NAA25: variants seen among roughly 807,000 people sequenced by gnomAD.
The protein encoded by NAA25 is N-alpha-acetyltransferase 25, NatB auxiliary subunit.
Under a neutral mutation model 132.5 loss-of-function variants are expected in NAA25, and 30 were observed. The observed-to-expected ratio is 0.23, with a 90% confidence interval of 0.17 to 0.31. The LOEUF (loss-of-function observed/expected upper bound fraction) is 0.31, where lower values mean the gene tolerates loss of function less well. Ranked by LOEUF, NAA25 falls within the 10% of genes least tolerant of loss-of-function variation. NAA25 has a pLI of 1.00. For synonymous variants in NAA25, 359 were observed against 401.9 expected (o/e 0.89, Z 1.28); for missense variants, 771 against 1,150.4 (o/e 0.67, Z 4.77).
At chr12:112,038,983 A>C (rs954364067) in intron 22 of NAA25, among the ~76,000 whole-genome samples, 2 of 152,226 alleles carry the variant, frequency 1.3e-5, no homozygotes, top group Non-Finnish European at 2.9e-5. Flanking sequence ...CATCTCAAAC[A>C]AAAACAAAAC....
chr12:112,087,190 C>T (rs772226856), intron 4 of NAA25, among the ~76,000 whole-genome samples: 7 of 151,902 alleles, frequency 4.6e-5, no homozygotes, highest in African/African-American at 7.3e-5. Flanking sequence ...AAATAAGCTG[C>T]CTCAAACCAA....
intron 17 of NAA25, among the ~76,000 whole-genome samples, 154 bp downstream of exon 17, chr12:112,047,511 C>T (rs368866212): frequency 6.6e-6 from 1 of 152,122 alleles, no homozygotes; most frequent in Non-Finnish European, 1.5e-5. Flanking sequence ...CAATTACAGG[C>T]CTGAGCCACC....
intron 2 of NAA25, among the ~76,000 whole-genome samples, chr12:112,091,974 C>T (rs2079136975): frequency 6.6e-6 from 1 of 152,244 alleles, no homozygotes; most frequent in Non-Finnish European, 1.5e-5. Context: ...GGCACAGTGG[C>T]TCACGCCTAT....
At chr12:112,047,268 G>C (rs74778442) in intron 17 of NAA25, among the ~76,000 whole-genome samples, 13,433 of 97,382 alleles carry the variant, frequency 0.14, 681 homozygotes, top group East Asian at 0.29. Context: ...TTTTGCTCTT[G>C]TTGCCCAGGC....
At chr12:112,054,996 AT>A (rs2078523859) in intron 13 of NAA25, among the ~76,000 whole-genome samples, 1 of 152,232 alleles carries the variant, frequency 6.6e-6, no homozygotes, top group African/African-American at 2.4e-5. Context: ...AGAATGGCAA[AT>A]AGGATGTTTG....
At chr12:112,061,469 G>C in intron 11 of NAA25, 81 bp from the exon 12 acceptor site, 1 of 1,004,044 alleles carries the variant, frequency 1.0e-6, no homozygotes, top group Non-Finnish European at 1.5e-6. Context: ...AAATTGAATG[G>C]TCTAGAAAAA....
At chr12:112,070,951 T>C (rs1472389846) in intron 10 of NAA25, among the ~76,000 whole-genome samples, 1 of 152,280 alleles carries the variant, frequency 6.6e-6, no homozygotes, top group South Asian at 2.1e-4. Context: ...TTCACCATGT[T>C]GGCCAGGCTG....
intron 2 of NAA25, among the ~76,000 whole-genome samples, chr12:112,091,564 A>C (rs1319634181): frequency 6.6e-6 from 1 of 152,126 alleles, no homozygotes; most frequent in East Asian, 1.9e-4. Context: ...GTGGTGGTGC[A>C]CATCTGTGGT....
intron 23 of NAA25, 23 bp downstream of exon 23, chr12:112,033,210 G>A (rs1220364960): frequency 6.3e-7 from 1 of 1,587,340 alleles, no homozygotes; most frequent in East Asian, 2.2e-5. Context: ...AGAAAACATT[G>A]CCGATTGCCT....
intron 17 of NAA25, among the ~76,000 whole-genome samples, chr12:112,044,092 T>TA (rs1260824637): frequency 2.6e-5 from 4 of 151,760 alleles, no homozygotes; most frequent in African/African-American, 9.7e-5. Context: ...CACGCCCGGC[T>TA]AATTTTTTTT....
chr12:112,083,581 A>C (rs143255704), intron 4 of NAA25, among the ~76,000 whole-genome samples: 2 of 152,188 alleles, frequency 1.3e-5, no homozygotes, highest in African/African-American at 4.8e-5. Flanking sequence ...TAGAGACGAC[A>C]AGGACATACA....
At chr12:112,039,108 A>G in intron 22 of NAA25, 121 bp downstream of exon 22, 1 of 503,222 alleles carries the variant, frequency 2.0e-6, no homozygotes, top group Admixed American at 4.0e-5. Flanking sequence ...ATCGTGGGCC[A>G]TGGGTTGGAG....
At position 112,077,368 on chromosome 12, in the gene NAA25, G is replaced by A. The variant is rs373693518; in HGVS notation, c.664+820C>T. Among the ~76,000 whole-genome samples the A allele has an allele frequency of 2.0e-4, 30 of 151,880 alleles. No homozygotes were observed. In the East Asian group the frequency reaches 4.3e-3, roughly 22 times the overall value. Reference sequence around the variant, plus strand: ...TGTGCCTGTAGTCCCAGCTACTCACGAGGCTGAGGCAGGAGAATCACTTGA... The same window carrying A: ...TGTGCCTGTAGTCCCAGCTACTCACAAGGCTGAGGCAGGAGAATCACTTGA... On this transcript the variant is annotated intron_variant, in intron 7 of 23. Coordinates refer to ENST00000261745, the MANE Select transcript of NAA25 (RefSeq NM_024953.4).
At chr12:112,094,848 T>C (rs1244915751) in intron 1 of NAA25, among the ~76,000 whole-genome samples, 1 of 152,040 alleles carries the variant, frequency 6.6e-6, no homozygotes, top group Non-Finnish European at 1.5e-5. Flanking sequence ...TTACTAGAGA[T>C]GAGGTTTCAC....
intron 3 of NAA25, among the ~76,000 whole-genome samples, chr12:112,089,000 T>C (rs1158428755): frequency 6.6e-6 from 1 of 152,044 alleles, no homozygotes; most frequent in Non-Finnish European, 1.5e-5. Flanking sequence ...GAGTAAATGA[T>C]TTTTTTTAAA....
At chr12:112,088,322 T>TTG (rs2079083609) in intron 3 of NAA25, among the ~76,000 whole-genome samples, 1 of 141,534 alleles carries the variant, frequency 7.1e-6, no homozygotes, top group Non-Finnish European at 1.5e-5. Flanking sequence ...TTGTAGTTTT[T>TTG]TTTTTTTTTT....
intron 3 of NAA25, among the ~76,000 whole-genome samples, chr12:112,089,032 C>T (rs369229651): frequency 1.0e-3 from 157 of 152,192 alleles, no homozygotes; most frequent in African/African-American, 3.5e-3. Flanking sequence ...GAATCCATAT[C>T]CCTAAATCAA....
chr12:112,067,340 A>G (rs1392635830), intron 11 of NAA25, among the ~76,000 whole-genome samples: 1 of 152,234 alleles, frequency 6.6e-6, no homozygotes, highest in Admixed American at 6.5e-5. Context: ...TTGAAACCAC[A>G]TATCTGACAA....
chr12:112,053,981 G>T (rs1053107921), intron 14 of NAA25, among the ~76,000 whole-genome samples: 7 of 152,086 alleles, frequency 4.6e-5, no homozygotes, highest in Non-Finnish European at 7.4e-5. Flanking sequence ...CAGAGAAAAT[G>T]CCATTAAGTG....
Sources: allele counts gnomAD v4.1 joint callset (sites outside exome capture counted in the v4.1 genomes callset), GRCh38; gene constraint gnomAD v4.1.1; transcripts MANE v1.5; gene names NCBI Gene and HGNC (gene_info 2026-07-23, HGNC 2026-07-21).